GSG1L: variants seen among roughly 807,000 people sequenced by gnomAD.
The protein encoded by GSG1L is GSG1 like, also known as germ cell-specific gene 1-like protein.
Under a neutral mutation model 42.1 loss-of-function variants are expected in GSG1L, and 24 were observed. The observed-to-expected ratio is 0.57, with a 90% CI of 0.41 to 0.80. The LOEUF (loss-of-function observed/expected upper bound fraction) is 0.80. GSG1L is among the 30% of genes least tolerant of loss of function. The pLI, the probability that GSG1L is intolerant of heterozygous loss-of-function variation, is 0.00. For synonymous variants in GSG1L, 215 were observed against 203.5 expected (o/e 1.06, Z -0.48); for missense variants, 445 against 472.2 (o/e 0.94, Z 0.53).
At chr16:28,017,258 C>A (rs1203677765) in intron 1 of GSG1L, among the ~76,000 whole-genome samples, 1 of 152,166 alleles carries the variant, frequency 6.6e-6, no homozygotes, top group Non-Finnish European at 1.5e-5. Context: ...GGAAAGGCAT[C>A]TTCAAAGGTC....
chr16:27,791,560 A>C, intron 6 of GSG1L, 93 bp from the exon 7 acceptor site: 1 of 727,182 alleles, frequency 1.4e-6, no homozygotes, highest in Non-Finnish European at 2.0e-6. Context: ...TCCATCACTC[A>C]CCCTCATTTA....
At chr16:27,836,009 T>C (rs1299253108) in intron 4 of GSG1L, among the ~76,000 whole-genome samples, 1 of 152,154 alleles carries the variant, frequency 6.6e-6, no homozygotes, top group Non-Finnish European at 1.5e-5. Flanking sequence ...CCTTTAGCCT[T>C]TCTTTTAGGG....
chr16:28,039,643 A>C (rs1035547983), intron 1 of GSG1L, among the ~76,000 whole-genome samples: 2 of 152,016 alleles, frequency 1.3e-5, no homozygotes, highest in African/African-American at 4.8e-5. Flanking sequence ...GCGTGCACAC[A>C]CATGCACACT....
intron 2 of GSG1L, among the ~76,000 whole-genome samples, chr16:27,939,035 A>G (rs2084754594): frequency 6.6e-6 from 1 of 152,214 alleles, no homozygotes; most frequent in Non-Finnish European, 1.5e-5. Flanking sequence ...GGAACCCAGC[A>G]CTTGAAAGCA....
intron 2 of GSG1L, among the ~76,000 whole-genome samples, chr16:27,942,987 G>T (rs2084818114): frequency 6.6e-6 from 1 of 152,168 alleles, no homozygotes; most frequent in African/African-American, 2.4e-5. Context: ...GAATTGCAGG[G>T]TCCACTGCTT....
intron 6 of GSG1L, among the ~76,000 whole-genome samples, chr16:27,802,161 C>T (rs1567459468): frequency 2.0e-5 from 3 of 152,104 alleles, no homozygotes; most frequent in African/African-American, 4.8e-5. Context: ...ACACAGTGCA[C>T]GAATGGCTTG....
Position 28,027,376 on chromosome 16 carries a change from A to T in GSG1L, c.349+35700T>A, listed in dbSNP as rs535186629. Among the ~76,000 whole-genome samples the T allele has an allele frequency of 3.3e-5, 5 of 152,326 alleles. No homozygotes were observed. In the East Asian group the frequency reaches 9.7e-4, roughly 29 times the overall value. On this transcript the variant is annotated intron_variant, in intron 1 of 6. Transcript: ENST00000447459. The stretch of plus-strand genomic sequence containing the variant: ...AGCCTTTTCTCCAGAGTTATGGGAA[A>T]GCAGCTCTCTTCCCTCTAGGGTTGC...
intron 2 of GSG1L, among the ~76,000 whole-genome samples, chr16:27,923,017 G>A (rs1317022465): frequency 3.3e-5 from 5 of 152,182 alleles, no homozygotes; most frequent in Non-Finnish European, 7.3e-5. Context: ...GAAACTCCTG[G>A]CCTCAAGCAA....
chr16:27,997,128 C>A (rs2085523429), intron 1 of GSG1L, among the ~76,000 whole-genome samples: 1 of 152,000 alleles, frequency 6.6e-6, no homozygotes, highest in Non-Finnish European at 1.5e-5. Context: ...AAGGTGTAGG[C>A]CCAGCCACAT....
intron 2 of GSG1L, among the ~76,000 whole-genome samples, chr16:27,894,725 A>T (rs2084170465): frequency 6.6e-6 from 1 of 152,168 alleles, no homozygotes; most frequent in Non-Finnish European, 1.5e-5. Context: ...AGCTGTAGGG[A>T]GGGACTTCTG....
intron 4 of GSG1L, among the ~76,000 whole-genome samples, chr16:27,831,895 A>C (rs2083278423): frequency 1.3e-5 from 2 of 150,864 alleles, no homozygotes; most frequent in African/African-American, 2.4e-5. Flanking sequence ...TCCCAAACCT[A>C]CCTCCCCCAT....
chr16:28,052,674 G>C (rs2086233269), intron 1 of GSG1L, among the ~76,000 whole-genome samples: 1 of 152,216 alleles, frequency 6.6e-6, no homozygotes, highest in Non-Finnish European at 1.5e-5. Context: ...CTATGGACAT[G>C]TCACGGGAGT....
chr16:28,058,704 C>T (rs1596740202), intron 1 of GSG1L, among the ~76,000 whole-genome samples: 1 of 151,930 alleles, frequency 6.6e-6, no homozygotes, highest in South Asian at 2.1e-4. Flanking sequence ...AACAGATGCT[C>T]CCAACATGAA....
intron 1 of GSG1L, among the ~76,000 whole-genome samples, chr16:28,004,012 A>G (rs1439672546): frequency 6.6e-6 from 1 of 152,238 alleles, no homozygotes; most frequent in Non-Finnish European, 1.5e-5. Flanking sequence ...GCTGGTGCCC[A>G]CTGTGAGTGT....
chr16:28,013,827 T>G (rs566055775), intron 1 of GSG1L, among the ~76,000 whole-genome samples: 1 of 152,250 alleles, frequency 6.6e-6, no homozygotes, highest in Non-Finnish European at 1.5e-5. Context: ...GGCATGGCCA[T>G]GCAAAGCTCT....
chr16:27,979,685 A>AAGAG (rs2085296229), intron 1 of GSG1L, among the ~76,000 whole-genome samples: 1 of 55,386 alleles, frequency 1.8e-5, no homozygotes, highest in Non-Finnish European at 3.9e-5. Context: ...GAGAGAAAGA[A>AAGAG]AGAAGGAAGG....
chr16:27,911,002 G>C (rs2084380905), intron 2 of GSG1L, among the ~76,000 whole-genome samples: 1 of 152,036 alleles, frequency 6.6e-6, no homozygotes, highest in African/African-American at 2.4e-5. Context: ...GACAGAGCAA[G>C]AACCTGTCTA....
chr16:27,817,174 C>T (rs1015640143), intron 5 of GSG1L, among the ~76,000 whole-genome samples: 3 of 152,180 alleles, frequency 2.0e-5, no homozygotes, highest in South Asian at 2.1e-4. Context: ...ATTCCAGGGC[C>T]GAATGTGGCC....
intron 1 of GSG1L, among the ~76,000 whole-genome samples, chr16:28,045,546 G>A (rs1002686678): frequency 2.6e-5 from 4 of 151,968 alleles, no homozygotes; most frequent in African/African-American, 7.3e-5. Context: ...ATGGTGGTGC[G>A]CTTCTGTAGT....
Sources: allele counts gnomAD v4.1 joint callset (sites outside exome capture counted in the v4.1 genomes callset), GRCh38; gene constraint gnomAD v4.1.1; transcripts MANE v1.5; gene names NCBI Gene and HGNC (gene_info 2026-07-23, HGNC 2026-07-21).